The following RBFOX1 variants were observed in gnomAD, a reference collection of about 807,000 sequenced individuals.
The protein encoded by RBFOX1 is RNA binding fox-1 homolog 1.
In RBFOX1, 8 loss-of-function variants were observed where a neutral mutation model predicts 57.7. The observed-to-expected ratio is 0.14, with a 90% CI of 0.08 to 0.25. The LOEUF is 0.25. RBFOX1 is among the 10% of genes least tolerant of loss of function. The pLI, the probability that RBFOX1 is intolerant of heterozygous loss-of-function variation, is 1.00. For synonymous variants in RBFOX1, 326 were observed against 222.4 expected, an observed-to-expected ratio of 1.47 and a Z score of -4.15; for missense variants, 611 against 548.5, an observed-to-expected ratio of 1.11 and a Z score of -1.14.
chr16:7,185,788 A>T (rs999791985), intron 4 of RBFOX1, among the ~76,000 whole-genome samples: 1 of 152,206 alleles, frequency 6.6e-6, no homozygotes, highest in Non-Finnish European at 1.5e-5. Flanking sequence ...TTACACTGGC[A>T]TATGAAGATC....
At chr16:6,050,628 A>G (rs2095542704) in intron 1 of RBFOX1, among the ~76,000 whole-genome samples, 1 of 152,048 alleles carries the variant, frequency 6.6e-6, no homozygotes, top group African/African-American at 2.4e-5. Context: ...TGCTCAATGC[A>G]TTTTTCAGGG....
intron 3 of RBFOX1, among the ~76,000 whole-genome samples, chr16:5,859,826 C>A (rs575906994): frequency 8.3e-4 from 127 of 152,286 alleles, no homozygotes; most frequent in African/African-American, 2.8e-3. Flanking sequence ...ACTTAGTAAC[C>A]GTTTATTATA....
At chr16:6,914,348 T>C (rs2072530957) in intron 3 of RBFOX1, among the ~76,000 whole-genome samples, 1 of 152,106 alleles carries the variant, frequency 6.6e-6, no homozygotes, top group South Asian at 2.1e-4. Context: ...TGGGCTTAAA[T>C]TACAGGGTCG....
rs557963769 is a variant in RBFOX1 at position 5,240,299 on chromosome 16, T to A, written c.219+194T>A. ...AGCTGCCCCTTCTCGGCTGTGTGGCTTCGACTTCCTGATTCTCCCACGACG... is the reference window on the plus strand; with the variant it reads ...AGCTGCCCCTTCTCGGCTGTGTGGCATCGACTTCCTGATTCTCCCACGACG... On this transcript the variant is annotated intron_variant, in intron 1 of 2. Transcript: ENST00000585867. 4.3e-3 allele frequency among the ~76,000 whole-genome samples: 649 copies of A among 151,808 alleles called. 3 individuals carry two copies. Among genetic ancestry groups the A allele is most frequent in the African/African-American group, 0.015 (621 of 41,404 alleles).
chr16:7,538,157 A>T (rs1212520770), intron 5 of RBFOX1, among the ~76,000 whole-genome samples: 1 of 152,106 alleles, frequency 6.6e-6, no homozygotes, highest in Non-Finnish European at 1.5e-5. Context: ...AGTAGAGGAG[A>T]ACGAGGACCT....
At chr16:6,145,392 T>C (rs1178205920) in intron 1 of RBFOX1, among the ~76,000 whole-genome samples, 1 of 152,222 alleles carries the variant, frequency 6.6e-6, no homozygotes, top group African/African-American at 2.4e-5. Context: ...CTGCATAGTA[T>C]TCCATGGTGT....
intron 4 of RBFOX1, among the ~76,000 whole-genome samples, chr16:7,233,848 A>G (rs1282612612): frequency 6.6e-6 from 1 of 152,180 alleles, no homozygotes; most frequent in Non-Finnish European, 1.5e-5. Context: ...AATTGACAAC[A>G]AGGTTTATTT....
chr16:5,869,889 AT>A (rs1010715140), intron 4 of RBFOX1, among the ~76,000 whole-genome samples: 12 of 152,190 alleles, frequency 7.9e-5, no homozygotes, highest in African/African-American at 2.9e-4. Context: ...TAAAGGATTT[AT>A]TTACCATACC....
chr16:6,477,441 G>T (rs1317736729), intron 2 of RBFOX1, among the ~76,000 whole-genome samples: 1 of 152,164 alleles, frequency 6.6e-6, no homozygotes, highest in Non-Finnish European at 1.5e-5. Flanking sequence ...GCTTTCCGGT[G>T]ACCAGATGTG....
At chr16:6,464,689 T>G (rs2094999880) in intron 2 of RBFOX1, among the ~76,000 whole-genome samples, 1 of 152,246 alleles carries the variant, frequency 6.6e-6, no homozygotes, top group Non-Finnish European at 1.5e-5. Flanking sequence ...CCTAGAGTGG[T>G]CAGGTCACCT....
chr16:7,461,015 C>T (rs2059486201), intron 4 of RBFOX1, among the ~76,000 whole-genome samples: 3 of 152,226 alleles, frequency 2.0e-5, no homozygotes, highest in African/African-American at 4.8e-5. Flanking sequence ...GACAAGGAAG[C>T]CATGTAGTGA....
chr16:7,377,100 A>G (rs1385134773), intron 4 of RBFOX1, among the ~76,000 whole-genome samples: 1 of 152,192 alleles, frequency 6.6e-6, no homozygotes, highest in Non-Finnish European at 1.5e-5. Context: ...TTTTCATGAT[A>G]TCTTACATGA....
intron 3 of RBFOX1, among the ~76,000 whole-genome samples, chr16:6,702,808 G>T (rs2154143463): frequency 6.6e-6 from 1 of 152,318 alleles, no homozygotes; most frequent in South Asian, 2.1e-4. Flanking sequence ...CATTTTAAAT[G>T]TAGAGTTCAG....
chr16:5,336,928 C>T (rs1342663396), intron 1 of RBFOX1, among the ~76,000 whole-genome samples: 1 of 152,208 alleles, frequency 6.6e-6, no homozygotes, highest in African/African-American at 2.4e-5. Context: ...ACCTTCTATT[C>T]TCCTCCTGGC....
chr16:6,358,086 G>A (rs747254120), intron 2 of RBFOX1, among the ~76,000 whole-genome samples: 1 of 152,148 alleles, frequency 6.6e-6, no homozygotes, highest in Non-Finnish European at 1.5e-5. Context: ...TAAAGGTGAA[G>A]AGGAGGCTCT....
intron 4 of RBFOX1, among the ~76,000 whole-genome samples, chr16:7,067,312 A>G (rs1035204606): frequency 1.5e-4 from 23 of 152,238 alleles, no homozygotes; most frequent in African/African-American, 4.8e-4. Context: ...TTACCACAAA[A>G]AAAATAGTGG....
At chr16:6,427,578 T>TA (rs75770050) in intron 2 of RBFOX1, among the ~76,000 whole-genome samples, 63,265 of 151,988 alleles carry the variant, frequency 0.42, 16,111 homozygotes, top group African/African-American at 0.72. Context: ...GAATTCTCCT[T>TA]ACACCTTAAT....
chr16:6,648,392 A>G (rs900875081), intron 2 of RBFOX1, among the ~76,000 whole-genome samples: 7 of 151,546 alleles, frequency 4.6e-5, no homozygotes, highest in East Asian at 1.9e-4. Context: ...GGGGTTGCAG[A>G]CTCCACGTTG....
At chr16:5,978,682 T>G (rs1265991901) in intron 4 of RBFOX1, among the ~76,000 whole-genome samples, 3 of 145,724 alleles carry the variant, frequency 2.1e-5, no homozygotes, top group Non-Finnish European at 3.1e-5. Flanking sequence ...TTGTTTGTTT[T>G]TTTTTTTGTT....
Sources: gnomAD v4.1 joint callset for allele counts (sites outside exome capture counted in the v4.1 genomes callset) on GRCh38, gnomAD v4.1.1 for gene constraint, MANE v1.5 for transcripts, NCBI Gene and HGNC (gene_info 2026-07-23, HGNC 2026-07-21) for gene names.